Variants in DST observed in about 807,000 individuals in gnomAD.
The protein encoded by DST is dystonin.
In DST, 253 loss-of-function variants were observed where a neutral mutation model predicts 875.2. The ratio of observed to expected loss-of-function variants is 0.29; its 90% CI spans 0.26 to 0.32. The LOEUF (loss-of-function observed/expected upper bound fraction) is 0.32. Ranked by LOEUF, DST falls within the 10% of genes least tolerant of loss-of-function variation. DST has a pLI of 1.00. For synonymous variants in DST, 3,124 were observed against 3,197.1 expected (o/e 0.98, Z 0.77); for missense variants, 8,287 against 9,111.6 (o/e 0.91, Z 3.68).
At chr6:56,612,061 T>C (rs2098550140) in intron 37 of DST, among the ~76,000 whole-genome samples, 1 of 152,180 alleles carries the variant, frequency 6.6e-6, no homozygotes, top group South Asian at 2.1e-4. Flanking sequence ...AATCTGTAGG[T>C]ATGCAGACCC....
rs750180346 is a variant in DST at position 56,529,600 on chromosome 6, G to T, written c.17443C>A (p.Leu5815Ile). The change falls in exon 66 of 104, where the codon CTC (leucine) becomes ATC (isoleucine). Residue 5815 changes from leucine (L) to isoleucine (I), a missense_variant. By Grantham distance (5) the Leu-to-Ile change is conservative. Transcript: ENST00000680361. ...GCATTACATAAGGCCTGCTGGAGGAGCTCAGACCTGCTGTGACTTTTCTCT... is the reference window on the plus strand; with the variant it reads ...GCATTACATAAGGCCTGCTGGAGGATCTCAGACCTGCTGTGACTTTTCTCT... ...IQEKSHSRSE[L>I]LQQALCNAKI... is the part of the protein sequence containing the mutation. 5.6e-6 allele frequency: 9 copies of T among 1,613,618 alleles called. No homozygotes were observed. The highest frequency in any genetic ancestry group is 7.6e-6 in the Non-Finnish European group (9 of 1,179,786).
At chr6:56,941,211 G>A (rs1294414130) in intron 2 of DST, among the ~76,000 whole-genome samples, 2 of 151,990 alleles carry the variant, frequency 1.3e-5, no homozygotes, top group East Asian at 3.9e-4. Context: ...GCACTGCTTT[G>A]GCTGCACCCC....
At chr6:56,908,860 C>T (rs544220958) in intron 2 of DST, among the ~76,000 whole-genome samples, 78 of 152,330 alleles carry the variant, frequency 5.1e-4, no homozygotes, top group African/African-American at 1.6e-3. Flanking sequence ...GATCCCATGG[C>T]AAGGTCAGGT....
rs375528909 is a variant in DST, at chr6:56,548,153, T to C, written c.16608+4031A>G. On this transcript the variant is annotated intron_variant, in intron 61 of 103. Transcript: ENST00000680361. ...AAGAAGAGTTGTCTTAGGCCACCCATAAAATACACTAACAGCAATGACAGC... is the reference window on the plus strand; with the variant it reads ...AAGAAGAGTTGTCTTAGGCCACCCACAAAATACACTAACAGCAATGACAGC... Among the ~76,000 whole-genome samples the C allele has an allele frequency of 3.0e-4, 45 of 152,258 alleles. 1 individual carries two copies. The East Asian group carries it at 3.5e-3, about 12-fold the overall frequency.
intron 74 of DST, among the ~76,000 whole-genome samples, chr6:56,509,222 G>A (rs995731817): frequency 3.9e-5 from 6 of 152,092 alleles, no homozygotes; most frequent in African/African-American, 7.2e-5. Flanking sequence ...TTGACCCTCA[G>A]CTCGTATCTC....
chr6:56,828,738 A>G (rs956292421), intron 4 of DST, among the ~76,000 whole-genome samples: 3 of 152,154 alleles, frequency 2.0e-5, no homozygotes, highest in Non-Finnish European at 4.4e-5. Context: ...AGCATACTCA[A>G]TGTTTACATC....
rs766153618 is a variant in DST, at chr6:56,529,722, C to T, written c.17321G>A (p.Ser5774Asn). ...NHNKHLHQAV[S>N]IGQSLKVLSS... Reference sequence around the variant, plus strand: ...CAAAACCTTTAAGGACTGGCCAATGCTAACAGCCTGGTGTAAATGTTTATT... The same window carrying T: ...CAAAACCTTTAAGGACTGGCCAATGTTAACAGCCTGGTGTAAATGTTTATT... Residue 5774 changes from serine to asparagine, a missense_variant, in exon 66 of 104, where the codon AGC becomes AAC. Physicochemically the swap from Ser to Asn is conservative, Grantham distance 46 (BLOSUM62 1). Coordinates refer to ENST00000680361, the MANE Select transcript of DST (RefSeq NM_001374736.1). 1.2e-6 allele frequency: 2 copies of T among 1,612,022 alleles called. No individual in the cohort carries two copies. Among genetic ancestry groups the T allele is most frequent in the South Asian group, 2.2e-5 (2 of 90,676 alleles).
intron 4 of DST, among the ~76,000 whole-genome samples, chr6:56,840,864 C>T (rs1398430935): frequency 2.0e-5 from 3 of 152,194 alleles, no homozygotes; most frequent in African/African-American, 7.2e-5. Context: ...TTGGTTCCAG[C>T]TGACTCCACC....
At chr6:56,642,696 AAGATTTTCATTT>A (rs761126272) in intron 15 of DST, 193 bp from the exon 16 acceptor site, 1 of 1,614,030 alleles carries the variant, frequency 6.2e-7, no homozygotes, top group Non-Finnish European at 8.5e-7. Context: ...GAACCAAGAG[AAGATTTTCATTT>A]GAATCAAGAC....
At chr6:56,820,954 A>C (rs999636042) in intron 4 of DST, among the ~76,000 whole-genome samples, 47 of 152,226 alleles carry the variant, frequency 3.1e-4, no homozygotes, top group Non-Finnish European at 2.9e-5. Context: ...CAATTACACC[A>C]GACAGAGGCC....
intron 4 of DST, chr6:56,843,087 T>C: frequency 6.4e-7 from 1 of 1,567,876 alleles, no homozygotes; most frequent in Non-Finnish European, 8.7e-7. Flanking sequence ...CTCGTAGGCC[T>C]GGAGATACTC....
chr6:56,902,034 C>T (rs1272576558), intron 2 of DST, among the ~76,000 whole-genome samples: 1 of 152,166 alleles, frequency 6.6e-6, no homozygotes, highest in Non-Finnish European at 1.5e-5. Flanking sequence ...AGTATAGTTA[C>T]ATTTGGCTTA....
chr6:56,841,574 T>C (rs2099800042), intron 4 of DST, among the ~76,000 whole-genome samples: 1 of 152,206 alleles, frequency 6.6e-6, no homozygotes, highest in South Asian at 2.1e-4. Flanking sequence ...TCACCTGAAA[T>C]CACCCACGTG....
intron 2 of DST, among the ~76,000 whole-genome samples, chr6:56,935,974 A>T (rs1387183452): frequency 6.6e-6 from 1 of 152,180 alleles, no homozygotes; most frequent in African/African-American, 2.4e-5. Flanking sequence ...GACCAAAAAA[A>T]TAAGAAAAGA....
In DST at chr6:56,616,562, T is replaced by C. The variant is rs1586737347; in HGVS notation, c.4930-2078A>G. On this transcript the variant is annotated intron_variant, in intron 36 of 103. Coordinates refer to ENST00000680361, the MANE Select transcript of DST (RefSeq NM_001374736.1). The stretch of plus-strand genomic sequence containing the variant: ...ACACATTCGCAGTAATTCTGAGTAA[T>C]ACAGAGCTTGCTTGTTATTGGGATT... 6.2e-7 allele frequency: 1 copy of C among 1,614,200 alleles called. No homozygotes were observed. The highest frequency in any genetic ancestry group is 1.1e-5 in the South Asian group (1 of 91,086).
At chr6:56,709,844 A>G (rs537190490) in intron 5 of DST, among the ~76,000 whole-genome samples, 1 of 152,208 alleles carries the variant, frequency 6.6e-6, no homozygotes, top group Non-Finnish European at 1.5e-5. Context: ...CCAGCAAAGA[A>G]GATGGGAATG....
chr6:56,683,349 C>G (rs2099165712), intron 9 of DST, among the ~76,000 whole-genome samples: 1 of 152,214 alleles, frequency 6.6e-6, no homozygotes, highest in Admixed American at 6.5e-5. Flanking sequence ...TAACAGCCTC[C>G]TAACTAGTCT....
intron 32 of DST, 54 bp from the exon 33 acceptor site, chr6:56,628,215 G>T (rs780700081): frequency 6.0e-6 from 9 of 1,499,018 alleles, no homozygotes; most frequent in Non-Finnish European, 8.4e-6. Context: ...CATCAGGAGG[G>T]TGGAAGATGT....
intron 9 of DST, among the ~76,000 whole-genome samples, chr6:56,682,277 A>G (rs913666016): frequency 6.6e-6 from 1 of 152,102 alleles, no homozygotes; most frequent in Admixed American, 6.5e-5. Flanking sequence ...GGCTCAAGCA[A>G]TCCTCCCACC....
Sources: gnomAD v4.1 joint callset for allele counts (sites outside exome capture counted in the v4.1 genomes callset) on GRCh38, gnomAD v4.1.1 for gene constraint, MANE v1.5 for transcripts, NCBI Gene and HGNC (gene_info 2026-07-23, HGNC 2026-07-21) for gene names.